The following PTPRD variants were observed in gnomAD, a reference collection of about 807,000 sequenced individuals.
The protein encoded by PTPRD is protein tyrosine phosphatase receptor type D.
In PTPRD, 34 loss-of-function variants were observed where a neutral mutation model predicts 214.5. The observed-to-expected ratio is 0.16, with a 90% CI of 0.12 to 0.21. The LOEUF is 0.21. Ranked by LOEUF, PTPRD falls within the 10% of genes least tolerant of loss-of-function variation. The probability of loss-of-function intolerance (pLI) is 1.00; values close to 1 mark genes in which losing one functional copy is unlikely to be tolerated. For synonymous variants in PTPRD, 1,128 were observed against 845.7 expected, an observed-to-expected ratio of 1.33 and a Z score of -5.79; for missense variants, 2,545 against 2,398.7, an observed-to-expected ratio of 1.06 and a Z score of -1.27.
intron 5 of PTPRD, among the ~76,000 whole-genome samples, chr9:9,883,608 T>C (rs948323868): frequency 3.6e-4 from 55 of 152,160 alleles, no homozygotes; most frequent in African/African-American, 1.3e-3. Context: ...CAGGCAATCA[T>C]ATATCTGCTC....
At position 8,943,157 on chromosome 9, in the gene PTPRD, C is replaced by T. The variant is rs1326069218; in HGVS notation, c.-104+75540G>A. Among the ~76,000 whole-genome samples the T allele has an allele frequency of 3.9e-5, 6 of 152,050 alleles. No individual in the cohort carries two copies. The East Asian group carries it at 1.2e-3, about 29-fold the overall frequency. On this transcript the variant is annotated intron_variant, in intron 11 of 45. Transcript: ENST00000381196. ...AGGACACAAAAAATGGAAAGATATT[C>T]TATGTTCATGGATTGAAAGTATCAA...
chr9:10,416,875 T>G (rs2098495644), intron 2 of PTPRD, among the ~76,000 whole-genome samples: 1 of 151,890 alleles, frequency 6.6e-6, no homozygotes, highest in South Asian at 2.1e-4. Context: ...GAGAGAGTTC[T>G]GAGGTGAGGG....
At chr9:8,432,609 GT>G (rs1374838283) in intron 35 of PTPRD, among the ~76,000 whole-genome samples, 1 of 152,180 alleles carries the variant, frequency 6.6e-6, no homozygotes, top group Non-Finnish European at 1.5e-5. Context: ...AGCAATGTGA[GT>G]TTTCTTTCCT....
At chr9:8,705,516 T>G (rs1372099358) in intron 12 of PTPRD, among the ~76,000 whole-genome samples, 1 of 152,244 alleles carries the variant, frequency 6.6e-6, no homozygotes, top group Non-Finnish European at 1.5e-5. Context: ...TTTGAATTAT[T>G]TCCTGATTAC....
intron 11 of PTPRD, among the ~76,000 whole-genome samples, chr9:8,808,987 C>T (rs961275889): frequency 9.9e-5 from 15 of 152,082 alleles, no homozygotes; most frequent in African/African-American, 2.9e-4. Flanking sequence ...AAAAAAGTAG[C>T]CACTATTCAT....
intron 14 of PTPRD, among the ~76,000 whole-genome samples, chr9:8,625,183 C>G (rs1309786994): frequency 6.6e-6 from 1 of 151,696 alleles, no homozygotes; most frequent in Non-Finnish European, 1.5e-5. Context: ...TTAAACAGGT[C>G]ATATACAAAC....
chr9:8,365,028 T>C lies in PTPRD; in HGVS notation c.4661+10908A>G, dbSNP rs150050629. Among the ~76,000 whole-genome samples the C allele has an allele frequency of 6.4e-3, 972 of 152,128 alleles. 13 individuals are homozygous for C. The highest frequency in any genetic ancestry group is 0.022 in the African/African-American group (927 of 41,476). ...CAAAATTTTAAGGACCATACTGCAGTGGAAAACATACTAGACCCGCAGTCT... is the reference window on the plus strand; with the variant it reads ...CAAAATTTTAAGGACCATACTGCAGCGGAAAACATACTAGACCCGCAGTCT... On this transcript the variant is annotated intron_variant, in intron 39 of 45. Transcript: ENST00000381196.
Position 10,496,971 on chromosome 9 carries a change from A to T in PTPRD, c.-600+115427T>A, listed in dbSNP as rs369167935. ...AGCATGAAATACTACACAGCCATAA[A>T]AAAGAATGGAATAATGTCCTTTGCA... On this transcript the variant is annotated intron_variant, in intron 2 of 45. Transcript: ENST00000381196. Among the ~76,000 whole-genome samples the T allele has an allele frequency of 2.3e-4, 35 of 152,146 alleles. No individual in the cohort carries two copies. In the East Asian group the frequency reaches 6.4e-3, roughly 28 times the overall value.
intron 7 of PTPRD, among the ~76,000 whole-genome samples, chr9:9,651,469 C>T (rs1373372095): frequency 6.6e-6 from 1 of 152,026 alleles, no homozygotes; most frequent in Admixed American, 6.6e-5. Flanking sequence ...CATTTGGCTC[C>T]CACTTGCAAG....
intron 12 of PTPRD, among the ~76,000 whole-genome samples, chr9:8,676,925 A>G (rs1378967545): frequency 6.6e-6 from 1 of 152,218 alleles, no homozygotes; most frequent in Non-Finnish European, 1.5e-5. Context: ...CTTGGCACAC[A>G]GTAGGCACCC....
At chr9:8,385,871 G>T (rs760834632) in intron 37 of PTPRD, among the ~76,000 whole-genome samples, 36 of 152,058 alleles carry the variant, frequency 2.4e-4, no homozygotes, top group Non-Finnish European at 2.9e-4. Context: ...AAAATGCATG[G>T]GTGTGCCACA....
chr9:10,591,530 G>C (rs530769337), intron 2 of PTPRD, among the ~76,000 whole-genome samples: 5 of 151,974 alleles, frequency 3.3e-5, no homozygotes, highest in African/African-American at 1.2e-4. Context: ...ATGCAAACTA[G>C]ACCCTCCCAT....
chr9:9,206,692 G>A (rs957582694), intron 9 of PTPRD, among the ~76,000 whole-genome samples: 4 of 152,172 alleles, frequency 2.6e-5, no homozygotes, highest in African/African-American at 9.7e-5. Context: ...TGTGTTGGAT[G>A]CTTCCTGGCC....
At chr9:10,429,128 A>C (rs1180199564) in intron 2 of PTPRD, among the ~76,000 whole-genome samples, 1 of 152,050 alleles carries the variant, frequency 6.6e-6, no homozygotes, top group Non-Finnish European at 1.5e-5. Context: ...TACAGTATTT[A>C]ATTGTATAAA....
At chr9:8,860,152 T>G (rs2098073611) in intron 11 of PTPRD, 1 of 152,142 alleles carries the variant, frequency 6.6e-6, no homozygotes, top group African/African-American at 2.4e-5. Context: ...AAACAGAAAG[T>G]TTTAAAACCC....
intron 35 of PTPRD, among the ~76,000 whole-genome samples, chr9:8,416,983 T>C (rs962622672): frequency 6.6e-6 from 1 of 152,074 alleles, no homozygotes; most frequent in African/African-American, 2.4e-5. Context: ...TCTTAACTAC[T>C]ACACTCTAAT....
chr9:9,821,503 T>C (rs2050719543), intron 5 of PTPRD, among the ~76,000 whole-genome samples: 1 of 152,188 alleles, frequency 6.6e-6, no homozygotes, highest in Non-Finnish European at 1.5e-5. Flanking sequence ...ATATAAAGAC[T>C]GTCATGTTTT....
At chr9:9,423,316 G>A (rs2184081) in intron 8 of PTPRD, among the ~76,000 whole-genome samples, 121,660 of 152,014 alleles carry the variant, frequency 0.8, 48,805 homozygotes, top group Non-Finnish European at 0.81. Flanking sequence ...AAGAGACCAG[G>A]GTTCTCTTTC....
At chr9:9,346,852 C>G (rs879313557) in intron 9 of PTPRD, among the ~76,000 whole-genome samples, 6 of 152,050 alleles carry the variant, frequency 3.9e-5, no homozygotes, top group Admixed American at 2.6e-4. Context: ...GACACCAAGC[C>G]TAGCTAATTC....
Sources: gnomAD v4.1 joint callset for allele counts (sites outside exome capture counted in the v4.1 genomes callset) on GRCh38, gnomAD v4.1.1 for gene constraint, MANE v1.5 for transcripts, NCBI Gene and HGNC (gene_info 2026-07-23, HGNC 2026-07-21) for gene names.